ARFGAP1: variants seen among roughly 807,000 people sequenced by gnomAD.
ARFGAP1 encodes ARF GTPase activating protein 1, also known as ADP-ribosylation factor GTPase-activating protein 1.
In ARFGAP1, 26 loss-of-function variants were observed where a neutral mutation model predicts 54.0. That is an observed-to-expected ratio of 0.48 (90% CI 0.35 to 0.67). The LOEUF (loss-of-function observed/expected upper bound fraction) is 0.67. Ranked by LOEUF, ARFGAP1 falls within the 30% of genes least tolerant of loss-of-function variation. The pLI is 0.00. For synonymous variants in ARFGAP1, 248 were observed against 211.9 expected, an observed-to-expected ratio of 1.17 and a Z score of -1.48; for missense variants, 525 against 535.8, an observed-to-expected ratio of 0.98 and a Z score of 0.20.
At chr20:63,284,358 C>T in intron 9 of ARFGAP1, 1 of 1,062,012 alleles carries the variant, frequency 9.4e-7, no homozygotes, top group Non-Finnish European at 1.1e-6. Flanking sequence ...ACACCACATC[C>T]CCAGGTGGCC....
chr20:63,283,714 G>T, intron 9 of ARFGAP1: 1 of 893,858 alleles, frequency 1.1e-6, no homozygotes, highest in Non-Finnish European at 1.7e-6. Context: ...GGCTGCTCCA[G>T]GGTTGTGTTG....
chr20:63,277,108 C>T (rs1298124021), intron 4 of ARFGAP1, 97 bp from the exon 5 acceptor site: 6 of 1,042,694 alleles, frequency 5.8e-6, no homozygotes, highest in African/African-American at 3.2e-5. Context: ...GTGGTGGGTG[C>T]TCCAGGCGGG....
At chr20:63,286,045 TC>T in intron 11 of ARFGAP1, 1 of 1,549,088 alleles carries the variant, frequency 6.5e-7, no homozygotes, top group Non-Finnish European at 8.7e-7. Flanking sequence ...GTGCATTTTG[TC>T]CTGTTTCCTG....
rs1283160672 is a variant in ARFGAP1 at position 63,289,150 on chromosome 20, C to T, written c.*1277C>T. ...GGTAGCTGGTGTGGAGGGCCGGTGT[C>T]CTTGGCTGCCACGGAGGGATTTGAT... On this transcript the variant is annotated 3_prime_UTR_variant, in exon 13 of 13. Transcript: ENST00000370283. 1.3e-5 allele frequency: 2 copies of T among 153,368 alleles called. No individual in the cohort carries two copies. The highest frequency in any genetic ancestry group is 2.9e-5 in the Non-Finnish European group (2 of 68,860). 9.5% of individuals were successfully genotyped at this position (153,368 alleles called of 1,614,324 possible). A position where few individuals can be genotyped will look rare whatever the true frequency, so the allele number is the denominator to read the frequency against.
At chr20:63,275,516 T>A (rs1398398298) in intron 1 of ARFGAP1, 61 bp from the exon 2 acceptor site, 15 of 1,520,182 alleles carry the variant, frequency 9.9e-6, no homozygotes, top group Non-Finnish European at 1.3e-5. Flanking sequence ...ACAGACGTTA[T>A]TTTCTTTTTT....
intron 6 of ARFGAP1, 148 bp downstream of exon 6, chr20:63,278,351 C>A: frequency 1.4e-6 from 1 of 722,482 alleles, no homozygotes; most frequent in Non-Finnish European, 2.3e-6. Context: ...GCAGTGAGTC[C>A]CAGCCAGCCC....
chr20:63,285,193 G>A (rs1023614263), intron 10 of ARFGAP1, among the ~76,000 whole-genome samples: 2 of 151,908 alleles, frequency 1.3e-5, no homozygotes, highest in Non-Finnish European at 2.9e-5. Flanking sequence ...CACCCCTACA[G>A]CTGGCCCCAG....
At chr20:63,284,521 G>T in intron 9 of ARFGAP1, 2 of 1,182,628 alleles carry the variant, frequency 1.7e-6, no homozygotes, top group Non-Finnish European at 2.1e-6. Flanking sequence ...AGGTCAGCAT[G>T]GGGTGGCTGC....
At chr20:63,286,174 GCA>G in intron 11 of ARFGAP1, 190 bp from the exon 12 acceptor site, 1 of 1,549,982 alleles carries the variant, frequency 6.5e-7, no homozygotes, top group South Asian at 1.2e-5. Context: ...GCCATGTCCC[GCA>G]CACACCTGGC....
chr20:63,278,322 C>G (rs1487071106), intron 6 of ARFGAP1, 119 bp downstream of exon 6: 1 of 1,024,182 alleles, frequency 9.8e-7, no homozygotes, highest in Non-Finnish European at 1.5e-6. Context: ...CCCAGGCATG[C>G]GCGGTGCAGG....
chr20:63,284,837 T>C, intron 9 of ARFGAP1, 29 bp from the exon 10 acceptor site: 1 of 1,611,502 alleles, frequency 6.2e-7, no homozygotes, highest in Non-Finnish European at 8.5e-7. Context: ...GGAGCTGTCG[T>C]GGGGCTCACG....
rs560484764 is a variant in ARFGAP1 at position 63,286,595 on chromosome 20, G to GGGAA, written c.911+155_911+156insAAGG. Among the ~76,000 whole-genome samples, 851 of 151,442 alleles carry GGGAA rather than the reference G, an allele frequency of 5.6e-3. 3 individuals are homozygous for GGGAA. Among genetic ancestry groups the GGGAA allele is most frequent in the Non-Finnish European group, 8.1e-3 (549 of 67,714 alleles). On this transcript the variant is annotated intron_variant, in intron 12 of 12. Coordinates refer to ENST00000370283, the MANE Select transcript of ARFGAP1 (RefSeq NM_018209.4). ...AGGTGGCTGGCATCCTTGCTGGGGA[G>GGGAA]GGGGCACTGTGGAGCCTCTCCGGGA...
Position 63,281,331 on chromosome 20 carries a change from C to T in ARFGAP1, c.668C>T (p.Ser223Leu), listed in dbSNP as rs769726600. The T allele has an allele frequency of 1.9e-5, 30 of 1,599,834 alleles. No individual in the cohort carries two copies. The highest frequency in any genetic ancestry group is 2.2e-5 in the South Asian group (2 of 89,868). ...SFTTGASRFA[S>L]AAKEGATKFG... ...ACCACTGGAGCCAGCCGGTTTGCCT[C>T]GGCAGCCAAGGAGGGCGTAAGTCAC... The change falls in exon 8 of 13, where the codon TCG becomes TTG. Residue 223 changes from serine (S) to leucine (L), a missense_variant. This residue lies in a region of ARFGAP1 where 466 missense variants were observed against 453.6 expected (regional missense o/e 1.03). Coordinates refer to ENST00000370283, the MANE Select transcript of ARFGAP1 (RefSeq NM_018209.4).
chr20:63,288,294 T>A lies in ARFGAP1; in HGVS notation c.*421T>A, dbSNP rs777697318. On this transcript the variant is annotated 3_prime_UTR_variant, in exon 13 of 13. Coordinates refer to ENST00000370283, the MANE Select transcript of ARFGAP1 (RefSeq NM_018209.4). ...GTCCCTTCTCGTTGAGATATTTAAC[T>A]TTGGTTTTGCTCTAGTTCTTTCTTT... The A allele has an allele frequency of 1.7e-5, 8 of 476,528 alleles. No homozygotes were observed. The highest frequency in any genetic ancestry group is 1.1e-4 in the South Asian group (7 of 64,740). The allele number at this position is 476,528 out of a possible 1,614,324, so 29.5% of individuals were successfully genotyped here.
intron 8 of ARFGAP1, among the ~76,000 whole-genome samples, chr20:63,282,239 G>A (rs576947706): frequency 2.6e-5 from 4 of 152,262 alleles, no homozygotes; most frequent in East Asian, 1.9e-4. Flanking sequence ...TGACTTTGCC[G>A]AGCGTCAGCT....
At chr20:63,284,593 G>C (rs920159179) in intron 9 of ARFGAP1, 19 of 1,320,690 alleles carry the variant, frequency 1.4e-5, no homozygotes, top group Non-Finnish European at 1.9e-5. Flanking sequence ...CGGCCCGGCA[G>C]GGCCGCATGG....
At chr20:63,287,483 G>A (rs2067589001) in intron 12 of ARFGAP1, 81 bp from the exon 13 acceptor site, 2 of 1,372,204 alleles carry the variant, frequency 1.5e-6, no homozygotes, top group South Asian at 1.5e-5. Flanking sequence ...CTGTCCAGGT[G>A]CAGAGCTCTC....
intron 10 of ARFGAP1, among the ~76,000 whole-genome samples, chr20:63,285,281 T>C (rs556409554): frequency 6.6e-6 from 1 of 151,998 alleles, no homozygotes; most frequent in South Asian, 2.1e-4. Flanking sequence ...CAGAGGAGGC[T>C]CTGGTATGGG....
intron 9 of ARFGAP1, chr20:63,283,224 T>C (rs2123282911): frequency 3.0e-6 from 1 of 332,282 alleles, no homozygotes; most frequent in Non-Finnish European, 5.6e-6. Flanking sequence ...TGCGGCACAC[T>C]GGACGCGTCT....
Sources: gnomAD v4.1 joint callset for allele counts (sites outside exome capture counted in the v4.1 genomes callset) on GRCh38, gnomAD v4.1.1 for gene constraint, gnomAD v4.1.1 regional missense constraint, MANE v1.5 for transcripts, NCBI Gene and HGNC (gene_info 2026-07-23, HGNC 2026-07-21) for gene names.